TPSG1: variants seen among roughly 807,000 people sequenced by gnomAD.
The protein encoded by TPSG1 is tryptase gamma.
Under a neutral mutation model 23.8 loss-of-function variants are expected in TPSG1, and 43 were observed. That is an observed-to-expected ratio of 1.81 (90% CI 1.42 to 2.33). The LOEUF (loss-of-function observed/expected upper bound fraction) is 2.33. Ranked by LOEUF, TPSG1 falls within the 30% of genes most tolerant of loss-of-function variation. The pLI, the probability that TPSG1 is intolerant of heterozygous loss-of-function variation, is 0.00. For synonymous variants in TPSG1, 302 were observed against 201.3 expected, an observed-to-expected ratio of 1.50 and a Z score of -4.23; for missense variants, 623 against 438.6, an observed-to-expected ratio of 1.42 and a Z score of -3.75.
rs374922367 is a variant in TPSG1 at position 1,225,207 on chromosome 16, C to A, written c.46G>T (p.Gly16Cys). ...CGLLLLLAVP[G>C]VSLRTLQPGC... ...CCCACACCCAGGCCAGGTCACCCAC[C>A]GGGCACAGCCAGGAGCAGCAGGAGG... The change falls in exon 1 of 6, where the codon GGT becomes TGT. Residue 16 changes from glycine to cysteine, a missense_variant and splice_region_variant. Transcript: ENST00000234798. The A allele has an allele frequency of 3.8e-6, 6 of 1,576,180 alleles. No homozygotes were observed. The South Asian group carries it at 4.7e-5, about 12-fold the overall frequency.
At position 1,222,863 on chromosome 16, in the gene TPSG1, C is replaced by CA; in HGVS notation, c.299dup (p.Ser101ValfsTer52). 6.2e-7 allele frequency: 1 copy of CA among 1,610,640 alleles called. No homozygotes were observed. Among genetic ancestry groups the CA allele is most frequent in the Non-Finnish European group, 8.5e-7 (1 of 1,179,114 alleles). On this transcript the variant is annotated frameshift_variant, in exon 4 of 6. Transcript: ENST00000234798. LOFTEE classifies it high-confidence loss of function. ...GCCTCACGGTGGAGAAGTGGGGAGACAGAGTGATCTCCAGTTCCCCCAGGT... is the reference window on the plus strand; with the variant it reads ...GCCTCACGGTGGAGAAGTGGGGAGACAAGAGTGATCTCCAGTTCCCCCAGGT...
chr16:1,221,749 A>G lies in TPSG1; in HGVS notation c.*39T>C, dbSNP rs1323310085. 23 of 1,554,806 alleles carry G rather than the reference A, an allele frequency of 1.5e-5. No individual in the cohort carries two copies. The highest frequency in any genetic ancestry group is 5.6e-5 in the Admixed American group (3 of 53,130). ...AGAGGGAGGGGGCGGAGCGGAATAA[A>G]TAGTAACTTATTTAAGAAATGCACT... On this transcript the variant is annotated 3_prime_UTR_variant, in exon 6 of 6. Transcript: ENST00000234798.
chr16:1,225,108 G>A (rs2030077052), intron 1 of TPSG1, 99 bp downstream of exon 1: 1 of 1,449,762 alleles, frequency 6.9e-7, no homozygotes, highest in Non-Finnish European at 9.4e-7. Flanking sequence ...GACTCAGCAT[G>A]TTTCTCCGTC....
chr16:1,224,423 C>T (rs1208823720), intron 2 of TPSG1, among the ~76,000 whole-genome samples, 179 bp downstream of exon 2: 1 of 152,088 alleles, frequency 6.6e-6, no homozygotes, highest in Non-Finnish European at 1.5e-5. Flanking sequence ...GGGGAGACAG[C>T]CCTGCAGCAC....
At chr16:1,222,166 C>G (rs1301929225) in intron 5 of TPSG1, 30 bp downstream of exon 5, 3 of 1,611,686 alleles carry the variant, frequency 1.9e-6, no homozygotes, top group East Asian at 2.2e-5. Flanking sequence ...TCAGCCGCCC[C>G]CATCCTCTGT....
chr16:1,222,495 A>C (rs897115189), intron 4 of TPSG1, among the ~76,000 whole-genome samples, 154 bp from the exon 5 acceptor site: 17 of 152,104 alleles, frequency 1.1e-4, no homozygotes, highest in African/African-American at 4.1e-4. Context: ...CTTTGGATCC[A>C]CACGACAGGC....
In TPSG1 at chr16:1,221,744, A is replaced by G; in HGVS notation, c.*44T>C. ...AAGGGAGAGGGAGGGGGCGGAGCGGAATAAATAGTAACTTATTTAAGAAAT... is the reference window on the plus strand; with the variant it reads ...AAGGGAGAGGGAGGGGGCGGAGCGGGATAAATAGTAACTTATTTAAGAAAT... On this transcript the variant is annotated 3_prime_UTR_variant, in exon 6 of 6. Coordinates refer to ENST00000234798, the MANE Select transcript of TPSG1 (RefSeq NM_012467.4). 3.3e-6 allele frequency: 5 copies of G among 1,534,718 alleles called. No homozygotes were observed. Among genetic ancestry groups the G allele is most frequent in the Non-Finnish European group, 4.4e-6 (5 of 1,133,662 alleles).
Position 1,221,995 on chromosome 16 carries a change from TC to T in TPSG1, c.758del (p.Gly253GlufsTer10). On this transcript the variant is annotated frameshift_variant, in exon 6 of 6. Transcript: ENST00000234798. LOFTEE classifies it low-confidence loss of function (END_TRUNC). ...CGTAGGCAGGGACACGAGTGTAGAC[TC>T]CCGGCCTGTTGGGGCGGCCGCAGCC... ...GEGCGRPNRP[G>X]VYTRVPAYVN... 2.5e-6 allele frequency: 4 copies of T among 1,612,064 alleles called. No homozygotes were observed. The highest frequency in any genetic ancestry group is 2.5e-6 in the Non-Finnish European group (3 of 1,179,766).
At position 1,222,649 on chromosome 16, in the gene TPSG1, C is replaced by CGAG; in HGVS notation, c.511+2_511+3insCTC. The CGAG allele has an allele frequency of 1.3e-6, 2 of 1,540,934 alleles. No individual in the cohort carries two copies. Among genetic ancestry groups the CGAG allele is most frequent in the Non-Finnish European group, 1.8e-6 (2 of 1,139,090 alleles). ...TCCCAGCATCCCCACGGGGGCTCCT[C>CGAG]ACCTCCCTCCCGCGTATAGCCCCAG... On this transcript the variant is annotated splice_region_variant and intron_variant, in intron 4 of 5. Transcript: ENST00000234798.
At chr16:1,222,168 A>T in intron 5 of TPSG1, 28 bp downstream of exon 5, 1 of 1,611,538 alleles carries the variant, frequency 6.2e-7, no homozygotes, top group African/African-American at 1.3e-5. Context: ...AGCCGCCCCC[A>T]TCCTCTGTCA....
chr16:1,222,913 G>A lies in TPSG1; in HGVS notation c.250C>T (p.Leu84=), dbSNP rs1369128008. The A allele has an allele frequency of 6.3e-7, 1 of 1,595,834 alleles. No homozygotes were observed. Among genetic ancestry groups the A allele is most frequent in the South Asian group, 1.1e-5 (1 of 89,450 alleles). Residue 84 remains leucine, a synonymous_variant, in exon 4 of 6, where the codon CTG becomes TTG. Coordinates refer to ENST00000234798, the MANE Select transcript of TPSG1 (RefSeq NM_012467.4). ...LTAAHCFSGS[L]NSSDYQVHLG... is the part of the protein sequence containing the mutation. ...TGCACCTGGTAGTCGGATGAGTTCA[G>A]GGACCTGGGAGGGAAGGTGGCTGGG...
intron 1 of TPSG1, 152 bp downstream of exon 1, chr16:1,225,055 G>A: frequency 1.2e-6 from 1 of 825,688 alleles, no homozygotes; most frequent in Middle Eastern, 2.4e-4. Flanking sequence ...TCCAGCCAGG[G>A]GTGCAGTCTC....
intron 1 of TPSG1, chr16:1,224,913 C>A: frequency 3.4e-6 from 2 of 594,756 alleles, no homozygotes; most frequent in Non-Finnish European, 6.0e-6. Context: ...CACCAGTGTT[C>A]TAGGGCCTGG....
At chr16:1,222,993 A>G in intron 3 of TPSG1, 76 bp from the exon 4 acceptor site, 3 of 1,461,364 alleles carry the variant, frequency 2.1e-6, no homozygotes, top group Non-Finnish European at 1.8e-6. Flanking sequence ...CCCAGACCCT[A>G]CCCTTGCAGG....
At chr16:1,224,392 A>C (rs1171230250) in intron 2 of TPSG1, among the ~76,000 whole-genome samples, 1 of 152,116 alleles carries the variant, frequency 6.6e-6, no homozygotes, top group Non-Finnish European at 1.5e-5. Context: ...CCCAAGGTAC[A>C]GACTGACTAC....
intron 1 of TPSG1, 35 bp downstream of exon 1, chr16:1,225,172 C>G: frequency 1.9e-6 from 3 of 1,552,674 alleles, no homozygotes; most frequent in South Asian, 1.2e-5. Context: ...GAAGCAGATG[C>G]CCCCCCATCC....
At chr16:1,223,673 C>T (rs2029979990) in intron 2 of TPSG1, 79 bp from the exon 3 acceptor site, 2 of 1,467,036 alleles carry the variant, frequency 1.4e-6, no homozygotes, top group South Asian at 1.3e-5. Flanking sequence ...CTTCCCTGAC[C>T]ACACCTCCCT....
In TPSG1 at chr16:1,221,914, G is replaced by T; in HGVS notation, c.840C>A (p.Pro280=). ...AGAAGCCAGCCAGGAGGGGGAGCCT[G>T]GGGTACCCAGACTCTGAGCCCCCTG... ...TASGGSESGY[P]RLPLLAGFFL... Residue 280 remains proline (P), a synonymous_variant, in exon 6 of 6, where the codon CCC becomes CCA. Coordinates refer to ENST00000234798, the MANE Select transcript of TPSG1 (RefSeq NM_012467.4). 1 of 1,611,494 alleles carries T rather than the reference G, an allele frequency of 6.2e-7. No homozygotes were observed. The highest frequency in any genetic ancestry group is 8.5e-7 in the Non-Finnish European group (1 of 1,179,208).
In TPSG1 at chr16:1,222,347, G is replaced by C; in HGVS notation, c.512-6C>G. 6.3e-7 allele frequency: 1 copy of C among 1,585,362 alleles called. No homozygotes were observed. Among genetic ancestry groups the C allele is most frequent in the South Asian group, 1.1e-5 (1 of 88,348 alleles). On this transcript the variant is annotated splice_polypyrimidine_tract_variant and splice_region_variant and intron_variant, in intron 4 of 5. Transcript: ENST00000234798. The stretch of plus-strand genomic sequence containing the variant: ...GTACGGGGGTGGCAGAGGCTCTGGG[G>C]TGGGGGGAACAGGCTTCAGAGAAGG...
Sources: gnomAD v4.1 joint callset for allele counts (sites outside exome capture counted in the v4.1 genomes callset) on GRCh38, gnomAD v4.1.1 for gene constraint, MANE v1.5 for transcripts, NCBI Gene and HGNC (gene_info 2026-07-23, HGNC 2026-07-21) for gene names.